The following PPEF1 variants were observed in gnomAD, a reference collection of about 807,000 sequenced individuals.
The protein encoded by PPEF1 is protein phosphatase with EF-hand domain 1, also known as serine/threonine-protein phosphatase with EF-hands 1.
A neutral mutation model predicts 53.3 loss-of-function variants in PPEF1; 12 were observed. The ratio of observed to expected loss-of-function variants is 0.23; its 90% confidence interval spans 0.14 to 0.36. The LOEUF (loss-of-function observed/expected upper bound fraction) is 0.36. Among genes scored for constraint, PPEF1 ranks in the 10% least tolerant of loss-of-function variants. PPEF1 has a pLI of 1.00. For missense variants in PPEF1, 334 were observed against 490.4 expected (o/e 0.68, Z 3.01); for synonymous variants, 165 against 176.7 (o/e 0.93, Z 0.52).
intron 1 of PPEF1, among the ~76,000 whole-genome samples, chrX:18,714,602 C>T (rs951374512): frequency 6.2e-5 from 7 of 112,149 alleles, no homozygotes; most frequent in Non-Finnish European, 1.1e-4. Context: ...TTACAGCTGG[C>T]AGAGTTGGGA....
chrX:18,819,996 C>T (rs184046544), intron 13 of PPEF1, among the ~76,000 whole-genome samples: 157 of 111,458 alleles, frequency 1.4e-3, no homozygotes, highest in Non-Finnish European at 2.0e-3. Flanking sequence ...AAAGAGATAA[C>T]GATTAGACTG....
chrX:18,748,861 G>A (rs2045381613), intron 3 of PPEF1, among the ~76,000 whole-genome samples: 2 of 111,976 alleles, frequency 1.8e-5, no homozygotes, highest in Non-Finnish European at 3.8e-5. Flanking sequence ...CTGGTACATA[G>A]CACTTCCATC....
chrX:18,803,499 C>G (rs1485966104), intron 10 of PPEF1, among the ~76,000 whole-genome samples: 2 of 112,712 alleles, frequency 1.8e-5, no homozygotes, highest in Non-Finnish European at 1.9e-5. Context: ...GTCTGTCACC[C>G]AGGCTGGAGT....
intron 3 of PPEF1, among the ~76,000 whole-genome samples, chrX:18,734,845 T>C (rs1413782407): frequency 8.9e-6 from 1 of 112,066 alleles, no homozygotes; most frequent in Non-Finnish European, 1.9e-5. Context: ...TGGTATCTCA[T>C]TGTGGTTTTG....
At chrX:18,749,756 C>T (rs748363989) in intron 3 of PPEF1, 36 bp from the exon 4 acceptor site, 2 of 152,163 alleles carry the variant, frequency 1.3e-5, no homozygotes, top group Non-Finnish European at 2.7e-5. Flanking sequence ...TTCCCACCCC[C>T]ACCCCCACCC....
Position 18,783,968 on chromosome X carries a change from G to A in PPEF1, c.832G>A (p.Asp278Asn). ...CTGGCTCCCAATCGGTACAATCGTTGACAATGAAATCCTGGTCATCCATGG... is the reference window on the plus strand; with the variant it reads ...CTGGCTCCCAATCGGTACAATCGTTAACAATGAAATCCTGGTCATCCATGG... ...YAWLPIGTIV[D>N]NEILVIHGGI... The change falls in exon 9 of 16, where the codon GAC (aspartate) becomes AAC (asparagine). Residue 278 changes from aspartate (D) to asparagine (N), a missense_variant. Asp to Asn is a conservative substitution (Grantham distance 23). Coordinates refer to ENST00000470157, the MANE Select transcript of PPEF1 (RefSeq NM_001377996.1). The A allele has an allele frequency of 8.3e-7, 1 of 1,208,805 alleles. No homozygotes were observed.
intron 9 of PPEF1, among the ~76,000 whole-genome samples, chrX:18,786,369 C>T (rs1467484751): frequency 8.9e-6 from 1 of 111,979 alleles, no homozygotes; most frequent in Non-Finnish European, 1.9e-5. Context: ...TCTGCCCCTT[C>T]CTGGGTGACT....
chrX:18,711,953 C>A (rs1196379292), intron 1 of PPEF1, among the ~76,000 whole-genome samples: 1 of 111,156 alleles, frequency 9.0e-6, no homozygotes, highest in Non-Finnish European at 1.9e-5. Flanking sequence ...CGGGGTTTCA[C>A]CATGTTGGCC....
upstream of PPEF1, among the ~76,000 whole-genome samples, chrX:18,682,275 C>G (rs1353104000): frequency 8.9e-6 from 1 of 112,572 alleles, no homozygotes; most frequent in Non-Finnish European, 1.9e-5. Flanking sequence ...CAGTAGATGG[C>G]CTTTGGGAGC....
At chrX:18,713,438 T>TTTTTTTTTTTTTTTTTTTTTTGTC (rs2044372517) in intron 1 of PPEF1, among the ~76,000 whole-genome samples, 1 of 104,820 alleles carries the variant, frequency 9.5e-6, no homozygotes, top group African/African-American at 3.5e-5. Context: ...TTTTTTTTTT[T>TTTTTTTTTTTTTTTTTTTTTTGTC]CTTTACTGCT....
Position 18,811,601 on chromosome X carries a change from ATATATATATATATATTTTTTT to A in PPEF1, c.1394+5058_1394+5078del, listed in dbSNP as rs1399063386. ...TCACTTATTCAGTATATATATATAT[ATATATATATATATATTTTTTT>A]TTTTTTTTTTTTTGAGACAGGGTCT... On this transcript the variant is annotated intron_variant, in intron 12 of 15. Coordinates refer to ENST00000470157, the MANE Select transcript of PPEF1 (RefSeq NM_001377996.1). 1.5e-3 allele frequency among the ~76,000 whole-genome samples: 113 copies of A among 76,955 alleles called. 4 individuals carry two copies. The highest frequency in any genetic ancestry group is 4.4e-3 in the African/African-American group (87 of 19,622). The allele number at this position is 76,955 out of a possible 115,157, so 66.8% of individuals were successfully genotyped here.
At chrX:18,686,065 C>T (rs958994696) in intron 2 of PPEF1, 1 of 112,245 alleles carries the variant, frequency 8.9e-6, no homozygotes, top group Non-Finnish European at 1.9e-5. Context: ...AGAAGCACTA[C>T]ACCAGGATTT....
chrX:18,807,451 A>G (rs2046697160), intron 12 of PPEF1, among the ~76,000 whole-genome samples: 1 of 112,370 alleles, frequency 8.9e-6, no homozygotes, highest in South Asian at 3.7e-4. Context: ...CCCCAGAGGT[A>G]ACTAAAACTG....
intron 2 of PPEF1, among the ~76,000 whole-genome samples, chrX:18,732,674 C>T (rs1397950523): frequency 1.8e-5 from 2 of 111,519 alleles, no homozygotes; most frequent in Non-Finnish European, 3.8e-5. Flanking sequence ...CAATTCCCAA[C>T]TCCCAGATCT....
At chrX:18,735,919 GCTCT>G (rs1569251698) in intron 3 of PPEF1, among the ~76,000 whole-genome samples, 1 of 111,326 alleles carries the variant, frequency 9.0e-6, no homozygotes, top group African/African-American at 3.3e-5. Flanking sequence ...TCATGATTTG[GCTCT>G]CTGTTTGTCT....
At chrX:18,680,348 CTAT>C (rs1422319300), upstream of PPEF1, among the ~76,000 whole-genome samples, 3 of 109,133 alleles carry the variant, frequency 2.7e-5, no homozygotes, top group East Asian at 5.7e-4. Flanking sequence ...CTGAAAATTG[CTAT>C]TATTCTTTTC....
intron 3 of PPEF1, among the ~76,000 whole-genome samples, chrX:18,739,249 T>G (rs2045080149): frequency 8.9e-6 from 1 of 112,513 alleles, no homozygotes; most frequent in African/African-American, 3.2e-5. Context: ...CTCTGGTTTC[T>G]CCGCATCTTT....
chrX:18,790,431 G>A (rs2046303090), intron 10 of PPEF1, among the ~76,000 whole-genome samples: 1 of 111,178 alleles, frequency 9.0e-6, no homozygotes, highest in Non-Finnish European at 1.9e-5. Flanking sequence ...GGTGTCCTTT[G>A]CAGTACAGCA....
At chrX:18,711,859 ACT>A (rs2147298296) in intron 1 of PPEF1, among the ~76,000 whole-genome samples, 1 of 106,285 alleles carries the variant, frequency 9.4e-6, no homozygotes, top group South Asian at 4.1e-4. Context: ...GGTTCAAGTG[ACT>A]CTCCTGCCTC....
Sources: gnomAD v4.1 joint callset for allele counts (sites outside exome capture counted in the v4.1 genomes callset) on GRCh38, gnomAD v4.1.1 for gene constraint, MANE v1.5 for transcripts, NCBI Gene and HGNC (gene_info 2026-07-23, HGNC 2026-07-21) for gene names.